Variants in CPLANE1 observed in about 807,000 individuals in gnomAD.
CPLANE1 encodes the protein ciliogenesis and planar polarity effector 1.
A neutral mutation model predicts 362.5 loss-of-function variants in CPLANE1; 263 were observed. That is an observed-to-expected ratio of 0.73 (90% CI 0.66 to 0.80). The LOEUF is 0.80. Ranked by LOEUF, CPLANE1 falls within the 30% of genes least tolerant of loss-of-function variation. CPLANE1 has a pLI of 0.00. For missense variants in CPLANE1, 3,461 were observed against 3,793.4 expected, an observed-to-expected ratio of 0.91 and a Z score of 2.30; for synonymous variants, 1,212 against 1,302.6, an observed-to-expected ratio of 0.93 and a Z score of 1.50.
intron 42 of CPLANE1, among the ~76,000 whole-genome samples, chr5:37,151,067 G>A (rs1388382226): frequency 1.3e-5 from 2 of 152,060 alleles, no homozygotes; most frequent in African/African-American, 4.8e-5. Context: ...CTGCTTATAG[G>A]AGAAAATCCC....
chr5:37,075,893 G>A, the CPLANE1 span, among the ~76,000 whole-genome samples: 5 of 152,026 alleles, frequency 3.3e-5, no homozygotes, highest in Admixed American at 2.0e-4. Flanking sequence ...CTCAAGTGTT[G>A]GGAAAGAATA....
At chr5:37,117,217 A>G (rs1473182979) in intron 50 of CPLANE1, among the ~76,000 whole-genome samples, 6 of 151,776 alleles carry the variant, frequency 4.0e-5, no homozygotes, top group African/African-American at 1.5e-4. Flanking sequence ...CCATTTATCC[A>G]TTTGTTCAAT....
Position 37,245,702 on chromosome 5 carries a change from T to TA in CPLANE1, c.217+7dup. ...TTTAGCCATTTGAAAATATCAGTAC[T>TA]ACTTAACCATTACTGGATGTTGTTA... On this transcript the variant is annotated splice_region_variant and intron_variant, in intron 3 of 52. Transcript: ENST00000651892. 1 of 1,499,978 alleles carries TA rather than the reference T, an allele frequency of 6.7e-7. No homozygotes were observed. Among genetic ancestry groups the TA allele is most frequent in the South Asian group, 1.4e-5 (1 of 72,312 alleles). The allele number at this position is 1,499,978 out of a possible 1,614,324, so 92.9% of individuals were successfully genotyped here.
At chr5:37,118,400 C>CA (rs560421140) in intron 50 of CPLANE1, among the ~76,000 whole-genome samples, 24,672 of 88,982 alleles carry the variant, frequency 0.28, 3,791 homozygotes, top group African/African-American at 0.52. Flanking sequence ...CACTGTGTCT[C>CA]AAAAAAAAAA....
intron 51 of CPLANE1, among the ~76,000 whole-genome samples, chr5:37,112,945 C>A (rs1329933974): frequency 6.6e-6 from 1 of 152,114 alleles, no homozygotes; most frequent in South Asian, 2.1e-4. Context: ...AACAATATAA[C>A]GGTACATGTA....
At position 37,243,100 on chromosome 5, in the gene CPLANE1, A is replaced by C; in HGVS notation, c.590T>G (p.Leu197Arg). 6.5e-7 allele frequency: 1 copy of C among 1,541,098 alleles called. No individual in the cohort carries two copies. Among genetic ancestry groups the C allele is most frequent in the Non-Finnish European group, 8.8e-7 (1 of 1,142,450 alleles). ...IKNELFGDCCLCSFTFYSGEC... is the reference protein window; with the variant it reads ...IKNELFGDCCRCSFTFYSGEC... ...CCCAGAATAAAAAGTAAATGAACAC[A>C]GGCAGCAGTCTCCAAATAACTGTAG... is the stretch of plus-strand genomic sequence containing the variant. Residue 197 changes from leucine to arginine, a missense_variant, in exon 6 of 53, where the codon CTG (leucine) becomes CGG (arginine). By Grantham distance (102) the Leu-to-Arg change is moderately radical. Transcript: ENST00000651892.
chr5:37,219,658 G>C (rs765607797), intron 15 of CPLANE1, among the ~76,000 whole-genome samples: 4 of 151,992 alleles, frequency 2.6e-5, no homozygotes, highest in Non-Finnish European at 4.4e-5. Context: ...CAAATATTTA[G>C]GTACACTGCA....
intron 21 of CPLANE1, among the ~76,000 whole-genome samples, chr5:37,191,528 A>G (rs1206350936): frequency 1.1e-4 from 17 of 152,108 alleles, no homozygotes; most frequent in African/African-American, 3.9e-4. Context: ...AAAATTAACC[A>G]GGTATGGTGG....
rs1284484616 is a variant in CPLANE1, at chr5:37,245,525, A to G, written c.291T>C (p.Thr97=). ...CCTTAGGCTTTTCAGTTATTGGTAT[A>G]GTTTTCAAACAATCTTGATCTTTGT... ...LWNKDQDCLK[T]IPITEKPKEM... Residue 97 remains threonine, a synonymous_variant, in exon 4 of 53, where the codon ACT becomes ACC. Transcript: ENST00000651892. The G allele has an allele frequency of 4.0e-6, 6 of 1,503,914 alleles. No individual in the cohort carries two copies. The highest frequency in any genetic ancestry group is 5.3e-6 in the Non-Finnish European group (6 of 1,122,666). 93.2% of individuals were successfully genotyped at this position (1,503,914 alleles called of 1,614,324 possible).
At chr5:37,084,013 T>C in the CPLANE1 span, among the ~76,000 whole-genome samples, 7 of 152,150 alleles carry the variant, frequency 4.6e-5, no homozygotes, top group Non-Finnish European at 1.0e-4. Flanking sequence ...GGAAAGAATC[T>C]TAAGAGCTGT....
At chr5:37,092,173 A>G in the CPLANE1 span, among the ~76,000 whole-genome samples, 7 of 152,218 alleles carry the variant, frequency 4.6e-5, no homozygotes, top group East Asian at 1.2e-3. Context: ...CTATAATAAC[A>G]TAAGTGCTTG....
At chr5:37,117,227 T>C (rs953860934) in intron 50 of CPLANE1, among the ~76,000 whole-genome samples, 1 of 151,834 alleles carries the variant, frequency 6.6e-6, no homozygotes, top group Non-Finnish European at 1.5e-5. Context: ...ATTTGTTCAA[T>C]GTTCGAGTAT....
intron 6 of CPLANE1, 101 bp from the exon 7 acceptor site, chr5:37,239,970 T>C (rs1054933437): frequency 1.4e-6 from 1 of 740,350 alleles, no homozygotes; most frequent in Non-Finnish European, 2.0e-6. Context: ...AATTCCTACA[T>C]GTGCACATGT....
intron 37 of CPLANE1, among the ~76,000 whole-genome samples, chr5:37,163,808 C>T (rs1777518289): frequency 6.6e-6 from 1 of 152,162 alleles, no homozygotes; most frequent in Admixed American, 6.5e-5. Flanking sequence ...TTAGAACTAC[C>T]AGCCCCCAAT....
chr5:37,197,069 G>A lies in CPLANE1; in HGVS notation c.3673-1073C>T, dbSNP rs777653517. Among the ~76,000 whole-genome samples the A allele has an allele frequency of 3.5e-4, 53 of 151,766 alleles. 2 individuals are homozygous for A. Among genetic ancestry groups the A allele is most frequent in the South Asian group, 6.2e-4 (3 of 4,820 alleles). The stretch of plus-strand genomic sequence containing the variant: ...GCTAAACGACACTAAATGAAGAAAC[G>A]ATCAGACAAATCTAGAATATGGTGC... On this transcript the variant is annotated intron_variant, in intron 20 of 52. Coordinates refer to ENST00000651892, the MANE Select transcript of CPLANE1 (RefSeq NM_001384732.1).
intron 30 of CPLANE1, chr5:37,176,218 A>T: frequency 2.7e-6 from 1 of 372,804 alleles, no homozygotes; most frequent in Non-Finnish European, 4.8e-6. Context: ...AATACGGCTG[A>T]CTGCTCAGCA....
At chr5:37,210,243 G>A in intron 16 of CPLANE1, 1 of 1,604,418 alleles carries the variant, frequency 6.2e-7, no homozygotes, top group Non-Finnish European at 8.5e-7. Context: ...AAAAGATATG[G>A]ATTTGCTAAG....
chr5:37,230,221 G>GA (rs1230592811), intron 9 of CPLANE1, among the ~76,000 whole-genome samples: 103 of 121,898 alleles, frequency 8.4e-4, no homozygotes, highest in African/African-American at 1.6e-3. Flanking sequence ...TTTAAAAATT[G>GA]AAAAAAAAAA....
At chr5:37,109,880 C>G (rs1375518226) in intron 51 of CPLANE1, among the ~76,000 whole-genome samples, 1 of 152,172 alleles carries the variant, frequency 6.6e-6, no homozygotes, top group Admixed American at 6.5e-5. Context: ...TGGTTTGGAA[C>G]TCCTGGCCTC....
Sources: gnomAD v4.1 joint callset for allele counts (sites outside exome capture counted in the v4.1 genomes callset) on GRCh38, gnomAD v4.1.1 for gene constraint, MANE v1.5 for transcripts, NCBI Gene and HGNC (gene_info 2026-07-23, HGNC 2026-07-21) for gene names.